Variants in EEFSEC observed in about 807,000 individuals in gnomAD.
The protein encoded by EEFSEC is selenocysteine-specific elongation factor.
A neutral mutation model predicts 42.1 loss-of-function variants in EEFSEC; 43 were observed. The ratio of observed to expected loss-of-function variants is 1.02; its 90% CI spans 0.80 to 1.32. EEFSEC has a LOEUF of 1.32. EEFSEC is among the 40% of genes most tolerant of loss of function. The probability of loss-of-function intolerance (pLI) is 0.00; values close to 1 mark genes in which losing one functional copy is unlikely to be tolerated. For missense variants in EEFSEC, 745 were observed against 803.6 expected (o/e 0.93, Z 0.88); for synonymous variants, 354 against 339.1 (o/e 1.04, Z -0.48).
chr3:128,399,084 A>T (rs7652360), intron 6 of EEFSEC, among the ~76,000 whole-genome samples: 2 of 128,388 alleles, frequency 1.6e-5, no homozygotes, highest in African/African-American at 7.8e-5. Context: ...AAAAATAAAT[A>T]AATAAATAAA....
Position 128,393,547 on chromosome 3 carries a change from G to C in EEFSEC, c.1601-14522G>C, listed in dbSNP as rs566514265. ...GCTGAGGCCTATGCACTCCAAGACC[G>C]GGGGGCAGCATATCCCAGGTGTAAA... On this transcript the variant is annotated intron_variant, in intron 6 of 6. Transcript: ENST00000254730. 6.7e-5 allele frequency among the ~76,000 whole-genome samples: 10 copies of C among 149,162 alleles called. No individual in the cohort carries two copies. The South Asian group carries it at 1.0e-3, about 16-fold the overall frequency.
At chr3:128,348,038 C>T (rs891041346) in intron 5 of EEFSEC, among the ~76,000 whole-genome samples, 1 of 151,958 alleles carries the variant, frequency 6.6e-6, no homozygotes, top group African/African-American at 2.4e-5. Context: ...ATTTGTAGAA[C>T]ATCTACTGTG....
At chr3:128,300,713 G>T (rs1000039877) in intron 4 of EEFSEC, among the ~76,000 whole-genome samples, 1 of 152,266 alleles carries the variant, frequency 6.6e-6, no homozygotes, top group South Asian at 2.1e-4. Context: ...ACATACATAT[G>T]TATAGACTAT....
intron 4 of EEFSEC, among the ~76,000 whole-genome samples, chr3:128,305,132 G>A (rs972086268): frequency 6.6e-6 from 1 of 152,054 alleles, no homozygotes; most frequent in African/African-American, 2.4e-5. Flanking sequence ...TTTAAATCAA[G>A]GATTATTTTT....
intron 4 of EEFSEC, among the ~76,000 whole-genome samples, chr3:128,291,680 A>G (rs1392817057): frequency 1.3e-5 from 2 of 152,194 alleles, no homozygotes; most frequent in Non-Finnish European, 2.9e-5. Context: ...AAAATTTCTC[A>G]CTAGATTTAG....
At position 128,350,842 on chromosome 3, in the gene EEFSEC, C is replaced by A. The variant is rs558151643; in HGVS notation, c.1444-7375C>A. Among the ~76,000 whole-genome samples the A allele has an allele frequency of 2.0e-5, 3 of 152,284 alleles. No individual in the cohort carries two copies. In the East Asian group the frequency reaches 5.8e-4, roughly 29 times the overall value. ...GATGAGACCTGGGCTACTTCAGGGC[C>A]TCTGCTCTTCCCACCACACCAGACC... is the stretch of plus-strand genomic sequence containing the variant. On this transcript the variant is annotated intron_variant, in intron 5 of 6. Transcript: ENST00000254730.
intron 4 of EEFSEC, among the ~76,000 whole-genome samples, chr3:128,326,084 G>C (rs1423232244): frequency 1.3e-5 from 2 of 152,230 alleles, no homozygotes; most frequent in African/African-American, 4.8e-5. Flanking sequence ...GGAGCATCTG[G>C]AGGGGGTGTT....
At chr3:128,159,359 C>T (rs114838606) in intron 1 of EEFSEC, among the ~76,000 whole-genome samples, 2,213 of 152,368 alleles carry the variant, frequency 0.015, 42 homozygotes, top group Non-Finnish European at 0.018. Flanking sequence ...TCTTTGCCTT[C>T]TTGAAATGGC....
chr3:128,163,201 T>C (rs1023574185), intron 1 of EEFSEC, among the ~76,000 whole-genome samples: 2 of 151,986 alleles, frequency 1.3e-5, no homozygotes, highest in African/African-American at 4.8e-5. Flanking sequence ...TCTGGGTATC[T>C]TGGAGGCCCA....
chr3:128,398,065 C>T (rs2068002734), intron 6 of EEFSEC, among the ~76,000 whole-genome samples: 1 of 152,242 alleles, frequency 6.6e-6, no homozygotes, highest in African/African-American at 2.4e-5. Context: ...GGTGGGGGAG[C>T]TCTGACCCCA....
chr3:128,161,377 GGT>G (rs1468674008), intron 1 of EEFSEC, among the ~76,000 whole-genome samples: 5 of 152,166 alleles, frequency 3.3e-5, no homozygotes, highest in African/African-American at 1.2e-4. Flanking sequence ...ATAGTCCTCT[GGT>G]GGCTGTGAGG....
At chr3:128,187,013 G>A (rs1480956267) in intron 1 of EEFSEC, among the ~76,000 whole-genome samples, 2 of 152,106 alleles carry the variant, frequency 1.3e-5, no homozygotes, top group South Asian at 2.1e-4. Context: ...CCACAGGAGT[G>A]GTAGAAGCAG....
At chr3:128,411,263 C>T (rs952435456), downstream of EEFSEC, among the ~76,000 whole-genome samples, 1 of 152,232 alleles carries the variant, frequency 6.6e-6, no homozygotes, top group Non-Finnish European at 1.5e-5. Flanking sequence ...CCCAGGCCCG[C>T]GTGTTTTATG....
intron 4 of EEFSEC, among the ~76,000 whole-genome samples, chr3:128,335,616 GAGTGAGATGGGAGGCC>G (rs1448858888): frequency 6.6e-6 from 1 of 152,250 alleles, no homozygotes; most frequent in African/African-American, 2.4e-5. Flanking sequence ...AGCTTTTACA[GAGTGAGATGGGAGGCC>G]AGTGGAGAGC....
intron 4 of EEFSEC, among the ~76,000 whole-genome samples, chr3:128,329,428 G>A (rs944244583): frequency 3.4e-4 from 48 of 142,090 alleles, no homozygotes; most frequent in African/African-American, 1.0e-3. Context: ...CCCCACCCCC[G>A]CTGATGCTCT....
intron 1 of EEFSEC, among the ~76,000 whole-genome samples, chr3:128,172,119 T>G (rs1001014450): frequency 6.6e-6 from 1 of 152,236 alleles, no homozygotes; most frequent in Admixed American, 6.5e-5. Flanking sequence ...TTACAACTCC[T>G]GTCCCACCAG....
chr3:128,338,822 C>G lies in EEFSEC; in HGVS notation c.787-2411C>G, dbSNP rs895136992. 2.0e-5 allele frequency among the ~76,000 whole-genome samples: 3 copies of G among 152,024 alleles called. No individual in the cohort carries two copies. The East Asian group carries it at 5.8e-4, about 29-fold the overall frequency. On this transcript the variant is annotated intron_variant, in intron 4 of 6. Coordinates refer to ENST00000254730, the MANE Select transcript of EEFSEC (RefSeq NM_021937.5). ...GGCGGTGGAGGGGGTACCAGGAGAC[C>G]GCCACCCATCACAGGGAGTCCCCAT...
At chr3:128,393,342 G>A (rs982462401) in intron 6 of EEFSEC, among the ~76,000 whole-genome samples, 1 of 152,330 alleles carries the variant, frequency 6.6e-6, no homozygotes, top group South Asian at 2.1e-4. Flanking sequence ...GATGACAGCT[G>A]TCCTTTTGGT....
At chr3:128,255,802 G>A (rs925519195) in intron 2 of EEFSEC, among the ~76,000 whole-genome samples, 9 of 152,200 alleles carry the variant, frequency 5.9e-5, no homozygotes, top group South Asian at 2.1e-4. Flanking sequence ...GGGGCTGTAG[G>A]AGTCTCTGGA....
Sources: gnomAD v4.1 joint callset for allele counts (sites outside exome capture counted in the v4.1 genomes callset) on GRCh38, gnomAD v4.1.1 for gene constraint, MANE v1.5 for transcripts, NCBI Gene and HGNC (gene_info 2026-07-23, HGNC 2026-07-21) for gene names.